Variants in TSPAN4 observed in about 807,000 individuals in gnomAD.
The protein encoded by TSPAN4 is tetraspanin-4.
Under a neutral mutation model 31.5 loss-of-function variants are expected in TSPAN4, and 38 were observed. That is an observed-to-expected ratio of 1.21 (90% CI 0.93 to 1.58). The LOEUF (loss-of-function observed/expected upper bound fraction) is 1.58. TSPAN4 is among the 40% of genes most tolerant of loss of function. The pLI is 0.00. For synonymous variants in TSPAN4, 186 were observed against 144.6 expected (o/e 1.29, Z -2.06); for missense variants, 330 against 317.3 (o/e 1.04, Z -0.30).
At position 865,501 on chromosome 11, in the gene TSPAN4, C is replaced by G; in HGVS notation, c.331-12C>G. Reference sequence around the variant, plus strand: ...GTGGGAGGGGCCCTGCTGACCCCCCCCGCACCCCCAGATTGACAGGTATGC... The same window carrying G: ...GTGGGAGGGGCCCTGCTGACCCCCCGCGCACCCCCAGATTGACAGGTATGC... On this transcript the variant is annotated splice_polypyrimidine_tract_variant and intron_variant, in intron 5 of 8. Transcript: ENST00000397397. 1 of 1,607,834 alleles carries G rather than the reference C, an allele frequency of 6.2e-7. No homozygotes were observed. Among genetic ancestry groups the G allele is most frequent in the Non-Finnish European group, 8.5e-7 (1 of 1,177,746 alleles).
At chr11:854,723 C>T (rs1027634367) in intron 3 of TSPAN4, among the ~76,000 whole-genome samples, 1 of 2,722 alleles carries the variant, frequency 3.7e-4, no homozygotes, top group African/African-American at 4.0e-4. Flanking sequence ...AGCAGTGAGC[C>T]TGGTGGAGGG....
At position 865,494 on chromosome 11, in the gene TSPAN4, A is replaced by G. The variant is rs1565148826; in HGVS notation, c.331-19A>G. ...GGGTACAGTGGGAGGGGCCCTGCTG[A>G]CCCCCCCCGCACCCCCAGATTGACA... On this transcript the variant is annotated intron_variant, in intron 5 of 8. Coordinates refer to ENST00000397397, the MANE Select transcript of TSPAN4 (RefSeq NM_003271.5). 1 of 1,586,222 alleles carries G rather than the reference A, an allele frequency of 6.3e-7. No individual in the cohort carries two copies. Among genetic ancestry groups the G allele is most frequent in the Non-Finnish European group, 8.6e-7 (1 of 1,161,834 alleles).
At position 865,635 on chromosome 11, in the gene TSPAN4, C is replaced by T. The variant is rs201120515; in HGVS notation, c.432+21C>T. On this transcript the variant is annotated intron_variant, in intron 6 of 8. Transcript: ENST00000397397. ...CCGACGTGAGGCGTGGGCAGGTGGGCGGGGTCGGCGGGTGCCCCCTCCCCT... is the reference window on the plus strand; with the variant it reads ...CCGACGTGAGGCGTGGGCAGGTGGGTGGGGTCGGCGGGTGCCCCCTCCCCT... 274 of 1,612,180 alleles carry T rather than the reference C, an allele frequency of 1.7e-4. No homozygotes were observed. The highest frequency in any genetic ancestry group is 1.1e-3 in the East Asian group (49 of 44,862).
In TSPAN4 at chr11:848,839, C is replaced by T; in HGVS notation, c.-17-1449C>T. On this transcript the variant is annotated intron_variant, in intron 2 of 8. Transcript: ENST00000397397. This position sits in a 1 kb window ranked among gnomAD's most constrained non-coding sequence, Gnocchi z 5.7. The stretch of plus-strand genomic sequence containing the variant: ...GCGTGGGGTAGGCTGCAGGGCACAG[C>T]TGGGGGCCTCTGTCCCCATCTCCGG... 4 of 671,448 alleles carry T rather than the reference C, an allele frequency of 6.0e-6. No homozygotes were observed. The highest frequency in any genetic ancestry group is 2.7e-5 in the East Asian group (1 of 36,364). 41.6% of individuals were successfully genotyped at this position (671,448 alleles called of 1,614,324 possible). A position where few individuals can be genotyped will look rare whatever the true frequency, so the allele number is the denominator to read the frequency against.
At chr11:855,858 C>T (rs959926364) in intron 3 of TSPAN4, among the ~76,000 whole-genome samples, 2 of 152,214 alleles carry the variant, frequency 1.3e-5, no homozygotes, top group African/African-American at 2.4e-5. Context: ...GCCCTGGCCC[C>T]TGCAGGGACC....
At chr11:854,076 G>A (rs1589769927) in intron 3 of TSPAN4, among the ~76,000 whole-genome samples, 1 of 152,242 alleles carries the variant, frequency 6.6e-6, no homozygotes, top group Non-Finnish European at 1.5e-5. Context: ...TAATGGAAGT[G>A]GAGGTCCCGG....
intron 5 of TSPAN4, chr11:865,221 G>C: frequency 2.3e-6 from 1 of 429,072 alleles, no homozygotes. Flanking sequence ...AGCTCACAGA[G>C]CATGGCTGCA....
Position 864,250 on chromosome 11 carries a change from C to G in TSPAN4, c.256-187C>G, listed in dbSNP as rs960905998. ...CTGAGCAGGACACAACAGCCACAGT[C>G]CCTGGACCTGGGGCCAAGGGTTCTG... On this transcript the variant is annotated intron_variant, in intron 4 of 8. Transcript: ENST00000397397. The G allele has an allele frequency of 3.2e-5, 22 of 679,926 alleles. No homozygotes were observed. The African/African-American group carries it at 3.9e-4, about 12-fold the overall frequency. 42.1% of individuals were successfully genotyped at this position (679,926 alleles called of 1,614,324 possible).
chr11:850,050 G>A (rs1264248699), intron 2 of TSPAN4: 2 of 297,384 alleles, frequency 6.7e-6, no homozygotes, highest in African/African-American at 2.2e-5. Context: ...CAGCACGGAC[G>A]AGTCCACGTA....
rs758318274 is a variant in TSPAN4 at position 848,781 on chromosome 11, CTTGTGCCCTGTGGTGGGGCTGGGGCT to C, written c.-18+1483_-17-1480del. 3.9e-5 allele frequency: 22 copies of C among 565,208 alleles called. No homozygotes were observed. Among genetic ancestry groups the C allele is most frequent in the Non-Finnish European group, 7.1e-5 (22 of 311,862 alleles). The allele number at this position is 565,208 out of a possible 1,614,324, so 35.0% of individuals were successfully genotyped here. A position where few individuals can be genotyped will look rare whatever the true frequency, so the allele number is the denominator to read the frequency against. On this transcript the variant is annotated intron_variant, in intron 2 of 8. Transcript: ENST00000397397. This position sits in a 1 kb window ranked among gnomAD's most constrained non-coding sequence, Gnocchi z 5.7. ...GATATCTTCCCAACACCGCAGGGCC[CTTGTGCCCTGTGGTGGGGCTGGGGCT>C]TCAGAGGCGTGGGGTAGGCTGCAGG...
At chr11:853,444 G>A (rs923516329) in intron 3 of TSPAN4, among the ~76,000 whole-genome samples, 68 of 152,202 alleles carry the variant, frequency 4.5e-4, no homozygotes, top group African/African-American at 1.6e-3. Context: ...GCCTACCTGG[G>A]AGGGGAAGGG....
In TSPAN4 at chr11:863,880, C is replaced by T. The variant is rs138969455; in HGVS notation, c.256-557C>T. ...GCTGAGCTTTGGGGCTGCCGCCAGG[C>T]GGGGGAAGCTTGCATGGTCAGAGGT... On this transcript the variant is annotated intron_variant, in intron 4 of 8. Coordinates refer to ENST00000397397, the MANE Select transcript of TSPAN4 (RefSeq NM_003271.5). 3.4e-3 allele frequency: 520 copies of T among 154,478 alleles called. 1 individual carries two copies. The highest frequency in any genetic ancestry group is 0.012 in the African/African-American group (493 of 41,590). The allele number at this position is 154,478 out of a possible 1,614,324, so 9.6% of individuals were successfully genotyped here.
chr11:849,547 C>T (rs1468838180), intron 2 of TSPAN4, among the ~76,000 whole-genome samples: 4 of 152,082 alleles, frequency 2.6e-5, no homozygotes, highest in Non-Finnish European at 5.9e-5. Context: ...CTAAGAGCTG[C>T]CCAGGTTTCA....
chr11:866,298 G>A (rs1848824446), intron 8 of TSPAN4, among the ~76,000 whole-genome samples: 1 of 152,118 alleles, frequency 6.6e-6, no homozygotes, highest in Admixed American at 6.5e-5. Flanking sequence ...TGGTGCCAGT[G>A]GCCCCTGGTT....
At chr11:865,336 C>A (rs1274571921) in intron 5 of TSPAN4, 177 bp from the exon 6 acceptor site, 2 of 604,890 alleles carry the variant, frequency 3.3e-6, no homozygotes, top group Non-Finnish European at 6.0e-6. Context: ...GGGCCCTGGG[C>A]CTCAGGGCTG....
intron 3 of TSPAN4, among the ~76,000 whole-genome samples, chr11:852,124 CTCT>C (rs1847784532): frequency 6.6e-6 from 1 of 152,156 alleles, no homozygotes; most frequent in African/African-American, 2.4e-5. Context: ...ATGCAATTCT[CTCT>C]TTTTTATCTT....
At chr11:865,416 C>G in intron 5 of TSPAN4, 97 bp from the exon 6 acceptor site, 2 of 942,852 alleles carry the variant, frequency 2.1e-6, no homozygotes, top group Non-Finnish European at 3.3e-6. Flanking sequence ...CAAGACCAGG[C>G]GCAGGAGGGG....
intron 1 of TSPAN4, among the ~76,000 whole-genome samples, chr11:845,622 G>A (rs545380136): frequency 1.2e-4 from 19 of 152,184 alleles, no homozygotes; most frequent in African/African-American, 3.6e-4. Context: ...CCTGAGGTGC[G>A]GCTGCTCCTG....
At chr11:865,439 G>T in intron 5 of TSPAN4, 74 bp from the exon 6 acceptor site, 1 of 1,249,060 alleles carries the variant, frequency 8.0e-7, no homozygotes, top group Non-Finnish European at 1.1e-6. Flanking sequence ...CAGCTTAGGG[G>T]CCGGCGAGGG....
Sources: allele counts gnomAD v4.1 joint callset (sites outside exome capture counted in the v4.1 genomes callset), GRCh38; gene constraint gnomAD v4.1.1; non-coding constraint Gnocchi (gnomAD v3.1); transcripts MANE v1.5; gene names NCBI Gene and HGNC (gene_info 2026-07-23, HGNC 2026-07-21).